Variants in BCAR3 observed in about 807,000 individuals in gnomAD.
BCAR3 encodes BCAR3 adaptor protein, NSP family member, also known as breast cancer anti-estrogen resistance protein 3.
Under a neutral mutation model 80.1 loss-of-function variants are expected in BCAR3, and 37 were observed. The observed-to-expected ratio is 0.46, with a 90% CI of 0.36 to 0.61. The LOEUF (loss-of-function observed/expected upper bound fraction) is 0.61, where lower values mean the gene tolerates loss of function less well. Ranked by LOEUF, BCAR3 falls within the 20% of genes least tolerant of loss-of-function variation. The pLI, the probability that BCAR3 is intolerant of heterozygous loss-of-function variation, is 0.00. For synonymous variants in BCAR3, 389 were observed against 418.9 expected, an observed-to-expected ratio of 0.93 and a Z score of 0.87; for missense variants, 978 against 1,068.2, an observed-to-expected ratio of 0.92 and a Z score of 1.18.
intron 2 of BCAR3, among the ~76,000 whole-genome samples, chr1:93,709,109 C>G (rs142292433): frequency 3.9e-5 from 6 of 152,120 alleles, no homozygotes; most frequent in Non-Finnish European, 7.3e-5. Flanking sequence ...CTGGGAGCCC[C>G]GATGAAGTCA....
intron 2 of BCAR3, among the ~76,000 whole-genome samples, chr1:93,710,085 G>A (rs1254867484): frequency 6.6e-6 from 1 of 152,178 alleles, no homozygotes; most frequent in East Asian, 1.9e-4. Flanking sequence ...ATGAGAGAAT[G>A]AAATATGAGT....
chr1:93,836,388 C>A (rs893111846), intron 2 of BCAR3, among the ~76,000 whole-genome samples: 7 of 152,158 alleles, frequency 4.6e-5, no homozygotes, highest in African/African-American at 1.7e-4. Flanking sequence ...TTTTATCCTT[C>A]TCTTATTTGG....
At chr1:93,663,809 G>C (rs1011563908) in intron 2 of BCAR3, among the ~76,000 whole-genome samples, 1 of 152,214 alleles carries the variant, frequency 6.6e-6, no homozygotes, top group Non-Finnish European at 1.5e-5. Flanking sequence ...CTTTAAAGGA[G>C]CAGGTTCAGA....
intron 3 of BCAR3, among the ~76,000 whole-genome samples, chr1:93,593,930 C>G (rs972188810): frequency 6.6e-6 from 1 of 152,122 alleles, no homozygotes; most frequent in Non-Finnish European, 1.5e-5. Context: ...TTGGGAGTGT[C>G]TGAAGGATGG....
rs892864171 is a variant in BCAR3 at position 93,654,510 on chromosome 1, C to T, written c.318-12167G>A. ...CCCAGAGCTGACATCCTAAGTGGGA[C>T]ACCCTGAACTGAGACCTCAGCTGAG... On this transcript the variant is annotated intron_variant, in intron 2 of 11. Coordinates refer to ENST00000260502, the MANE Select transcript of BCAR3 (RefSeq NM_003567.4). Among the ~76,000 whole-genome samples, 4 of 152,304 alleles carry T rather than the reference C, an allele frequency of 2.6e-5. No individual in the cohort carries two copies. In the South Asian group the frequency reaches 6.2e-4, roughly 24 times the overall value.
At chr1:93,596,162 C>T (rs1344472067) in intron 3 of BCAR3, among the ~76,000 whole-genome samples, 1 of 152,208 alleles carries the variant, frequency 6.6e-6, no homozygotes, top group Non-Finnish European at 1.5e-5. Context: ...TCCTGCCCTT[C>T]CTTAGACTAC....
chr1:93,755,501 C>A (rs1190824027), intron 2 of BCAR3, among the ~76,000 whole-genome samples: 1 of 152,172 alleles, frequency 6.6e-6, no homozygotes, highest in Non-Finnish European at 1.5e-5. Context: ...TGTTTAGATA[C>A]ACAAATACTT....
chr1:93,692,429 G>A (rs755636738), intron 3 of BCAR3, among the ~76,000 whole-genome samples: 3 of 152,182 alleles, frequency 2.0e-5, no homozygotes, highest in Non-Finnish European at 4.4e-5. Flanking sequence ...ACAAGAATTG[G>A]CCTAGGTGTC....
Position 93,781,360 on chromosome 1 carries a change from C to T in BCAR3, c.-63+64207G>A, listed in dbSNP as rs147144178. Reference sequence around the variant, plus strand: ...AACAACCTGGATTTGATACACAGGCCGTAATTTGCTGACCCTCAGTGTGTG... The same window carrying T: ...AACAACCTGGATTTGATACACAGGCTGTAATTTGCTGACCCTCAGTGTGTG... On this transcript the variant is annotated intron_variant, in intron 2 of 13. Coordinates refer to the BCAR3 transcript ENST00000370244. Among the ~76,000 whole-genome samples the T allele has an allele frequency of 3.8e-3, 573 of 152,204 alleles. 5 individuals are homozygous for T. Among genetic ancestry groups the T allele is most frequent in the African/African-American group, 0.013 (541 of 41,520 alleles).
intron 3 of BCAR3, among the ~76,000 whole-genome samples, chr1:93,690,426 A>C (rs1649149144): frequency 6.6e-6 from 1 of 152,256 alleles, no homozygotes; most frequent in Non-Finnish European, 1.5e-5. Context: ...ATAATCTTAT[A>C]AGGTGGCACT....
intron 2 of BCAR3, among the ~76,000 whole-genome samples, chr1:93,757,152 G>A (rs763543861): frequency 8.5e-5 from 13 of 152,222 alleles, no homozygotes; most frequent in Non-Finnish European, 1.5e-4. Context: ...ATGTTGAGGT[G>A]CAAAGAGGAA....
intron 1 of BCAR3, chr1:93,680,998 A>C (rs932390053): frequency 6.6e-6 from 1 of 152,356 alleles, no homozygotes; most frequent in East Asian, 1.9e-4. Flanking sequence ...AGGGAGCAAC[A>C]CAACCAACTA....
intron 2 of BCAR3, chr1:93,752,867 C>T (rs1352106769): frequency 6.6e-6 from 1 of 152,206 alleles, no homozygotes; most frequent in Non-Finnish European, 1.5e-5. Flanking sequence ...AAACTGTTGC[C>T]TTTTGACTCT....
rs189997714 is a variant in BCAR3, at chr1:93,758,504, C to T, written c.-62-52362G>A. Among the ~76,000 whole-genome samples, 34 of 152,322 alleles carry T rather than the reference C, an allele frequency of 2.2e-4. No individual in the cohort carries two copies. The East Asian group carries it at 6.0e-3, about 27-fold the overall frequency. On this transcript the variant is annotated intron_variant, in intron 2 of 13. Transcript: ENST00000370244. The stretch of plus-strand genomic sequence containing the variant: ...CAAAGAGTTGGTCTGGAAAACACCC[C>T]TAATCGGGAGCCAGTTCTATGATGG...
intron 2 of BCAR3, among the ~76,000 whole-genome samples, chr1:93,659,116 C>T (rs1165973642): frequency 6.6e-6 from 1 of 152,138 alleles, no homozygotes; most frequent in Non-Finnish European, 1.5e-5. Context: ...GAAGCTTCAG[C>T]AACATCTCAA....
At chr1:93,661,426 C>G (rs1336779134) in intron 2 of BCAR3, among the ~76,000 whole-genome samples, 2 of 151,968 alleles carry the variant, frequency 1.3e-5, no homozygotes, top group African/African-American at 4.8e-5. Flanking sequence ...AAGTGATCTG[C>G]CAGCCTTGGC....
In BCAR3 at chr1:93,741,159, A is replaced by C. The variant is rs535648833; in HGVS notation, c.-62-35017T>G. On this transcript the variant is annotated intron_variant, in intron 2 of 13. Coordinates refer to the BCAR3 transcript ENST00000370244. ...TGGCACTTGAAGGAAGTTGTAACTA[A>C]CATCAGTTAATGGTAGGGGTTAGTG... Among the ~76,000 whole-genome samples, 5 of 152,306 alleles carry C rather than the reference A, an allele frequency of 3.3e-5. No individual in the cohort carries two copies. In the South Asian group the frequency reaches 8.3e-4, roughly 25 times the overall value.
intron 3 of BCAR3, among the ~76,000 whole-genome samples, chr1:93,638,045 C>G (rs764648574): frequency 6.6e-6 from 1 of 152,122 alleles, no homozygotes; most frequent in African/African-American, 2.4e-5. Context: ...GTCAGGAGAT[C>G]GAGACCATCC....
chr1:93,839,041 G>A (rs1405316569), intron 2 of BCAR3, among the ~76,000 whole-genome samples: 3 of 152,318 alleles, frequency 2.0e-5, no homozygotes, highest in Non-Finnish European at 2.9e-5. Context: ...GGTGGCTCAC[G>A]CCTGTAATCC....
Sources: gnomAD v4.1 joint callset for allele counts (sites outside exome capture counted in the v4.1 genomes callset) on GRCh38, gnomAD v4.1.1 for gene constraint, MANE v1.5 for transcripts, NCBI Gene and HGNC (gene_info 2026-07-23, HGNC 2026-07-21) for gene names.